The following CNTNAP3 variants were observed in gnomAD, a reference collection of about 807,000 sequenced individuals.
The protein encoded by CNTNAP3 is contactin-associated protein-like 3.
In CNTNAP3, 36 loss-of-function variants were observed where a neutral mutation model predicts 92.1. The observed-to-expected ratio is 0.39, with a 90% CI of 0.30 to 0.52. The LOEUF (loss-of-function observed/expected upper bound fraction) is 0.52, where lower values mean the gene tolerates loss of function less well. CNTNAP3 is among the 20% of genes least tolerant of loss of function. The pLI, the probability that CNTNAP3 is intolerant of heterozygous loss-of-function variation, is 0.76. For missense variants in CNTNAP3, 534 were observed against 1,069.6 expected (o/e 0.50, Z 6.98); for synonymous variants, 232 against 422.3 (o/e 0.55, Z 5.53).
At position 39,066,232 on chromosome 9, in the gene CNTNAP3, C is replaced by T. The variant is rs1256646613; in HGVS notation, c.*7658G>A. On this transcript the variant is annotated 3_prime_UTR_variant, in exon 24 of 24. Transcript: ENST00000297668. Reference sequence around the variant, plus strand: ...CCAACTTTTAATAGGCATTATACGACTTTACACACAGTCTAAGAACCTTAC... The same window carrying T: ...CCAACTTTTAATAGGCATTATACGATTTTACACACAGTCTAAGAACCTTAC... 6.6e-6 allele frequency among the ~76,000 whole-genome samples: 1 copy of T among 152,228 alleles called. No individual in the cohort carries two copies. Among genetic ancestry groups the T allele is most frequent in the Non-Finnish European group, 1.5e-5 (1 of 68,042 alleles).
chr9:39,174,533 G>C, intron 7 of CNTNAP3: 1 of 651,340 alleles, frequency 1.5e-6, no homozygotes, highest in Non-Finnish European at 2.9e-6. Context: ...CAACCCATGA[G>C]CCAACTCCTC....
intron 19 of CNTNAP3, 107 bp downstream of exon 19, chr9:39,088,316 C>T (rs544867582): frequency 1.0e-5 from 10 of 956,010 alleles, no homozygotes; most frequent in Non-Finnish European, 1.6e-5. Context: ...GGAGGGCATA[C>T]AGTTTTCTCT....
At position 39,078,748 on chromosome 9, in the gene CNTNAP3, C is replaced by T. The variant is rs1313471914; in HGVS notation, c.3615G>A (p.Ala1205=). The change falls in exon 22 of 24, where the codon GCG becomes GCA. Residue 1205 remains alanine (A), a synonymous_variant. Transcript: ENST00000297668. ...GCGCCGGGGAGCCGGACGCCGCCCC[C>T]GCTGCGCAGCGGGCCATAGGGGCCA... ...GHVAPMARCA[A]GAASGSPARE... The T allele has an allele frequency of 4.9e-5, 73 of 1,486,782 alleles. No homozygotes were observed. The Middle Eastern group carries it at 1.5e-3, about 30-fold the overall frequency. The allele number at this position is 1,486,782 out of a possible 1,614,324, so 92.1% of individuals were successfully genotyped here.
chr9:39,143,831 A>C (rs1447289249), intron 11 of CNTNAP3, among the ~76,000 whole-genome samples: 8 of 152,298 alleles, frequency 5.3e-5, no homozygotes, highest in African/African-American at 1.4e-4. Flanking sequence ...AATACCTTAA[A>C]TGTAGCATTG....
chr9:39,091,774 ACTT>A (rs1315313792), intron 18 of CNTNAP3, among the ~76,000 whole-genome samples: 6 of 151,808 alleles, frequency 4.0e-5, no homozygotes, highest in African/African-American at 1.4e-4. Context: ...TTTGAAGAAT[ACTT>A]CTTATTTAAA....
chr9:39,082,105 A>G (rs1343092942), intron 21 of CNTNAP3, among the ~76,000 whole-genome samples: 2 of 148,456 alleles, frequency 1.3e-5, no homozygotes, highest in African/African-American at 4.9e-5. Flanking sequence ...AAAACAAAGA[A>G]ACTCAAATCA....
intron 17 of CNTNAP3, among the ~76,000 whole-genome samples, chr9:39,101,663 G>T (rs1053924588): frequency 6.7e-6 from 1 of 148,866 alleles, no homozygotes; most frequent in East Asian, 2.1e-4. Flanking sequence ...CTGGCCGCGG[G>T]GGAGGTGCGC....
intron 13 of CNTNAP3, among the ~76,000 whole-genome samples, chr9:39,119,528 G>C (rs550398221): frequency 7.8e-4 from 118 of 152,150 alleles, no homozygotes; most frequent in Non-Finnish European, 1.5e-4. Flanking sequence ...TTAAACTGTC[G>C]CAGATTAAAG....
Position 39,068,577 on chromosome 9 carries a change from G to A in CNTNAP3, c.*5313C>T, listed in dbSNP as rs1054829569. Among the ~76,000 whole-genome samples the A allele has an allele frequency of 1.3e-5, 2 of 152,300 alleles. No individual in the cohort carries two copies. Among genetic ancestry groups the A allele is most frequent in the African/African-American group, 4.8e-5 (2 of 41,484 alleles). ...TTGAGTGTTTCTTTCCCTTGCCTCA[G>A]GTAGTTTCATGCACTTTGTTACACA... On this transcript the variant is annotated 3_prime_UTR_variant, in exon 24 of 24. Coordinates refer to ENST00000297668, the MANE Select transcript of CNTNAP3 (RefSeq NM_033655.5).
At chr9:39,086,560 T>G (rs185949667) in intron 20 of CNTNAP3, 156 bp downstream of exon 20, 2 of 927,158 alleles carry the variant, frequency 2.2e-6, no homozygotes, top group East Asian at 5.6e-5. Flanking sequence ...ACCTCCTCTC[T>G]CCCAGATCCT....
intron 11 of CNTNAP3, among the ~76,000 whole-genome samples, chr9:39,143,217 G>A (rs10974172): frequency 0.15 from 21,952 of 148,776 alleles, 2,024 homozygotes; most frequent in East Asian, 0.2. Context: ...ATATGGCAGA[G>A]GCAGTTGAGA....
At chr9:39,131,967 T>C (rs1272294078) in intron 13 of CNTNAP3, among the ~76,000 whole-genome samples, 3 of 151,578 alleles carry the variant, frequency 2.0e-5, no homozygotes, top group East Asian at 1.9e-4. Context: ...AGATTTTGTA[T>C]TGAAAATTAA....
rs1424223056 is a variant in CNTNAP3 at position 39,068,659 on chromosome 9, G to A, written c.*5231C>T. ...TTTTCTCCAATGCAGCTCTTTCCTC[G>A]CCGGTACTCTATCCTGCAATCTCTA... On this transcript the variant is annotated 3_prime_UTR_variant, in exon 24 of 24. Transcript: ENST00000297668. Among the ~76,000 whole-genome samples the A allele has an allele frequency of 1.3e-5, 2 of 152,414 alleles. No homozygotes were observed. Among genetic ancestry groups the A allele is most frequent in the Admixed American group, 6.5e-5 (1 of 15,308 alleles).
At chr9:39,152,917 C>T (rs1230077671) in intron 9 of CNTNAP3, among the ~76,000 whole-genome samples, 1 of 109,824 alleles carries the variant, frequency 9.1e-6, no homozygotes, top group African/African-American at 4.3e-5. Context: ...CCACCTGCCT[C>T]GGCCTCCCAA....
chr9:39,094,715 T>A (rs1321168245), intron 18 of CNTNAP3, among the ~76,000 whole-genome samples: 2 of 151,722 alleles, frequency 1.3e-5, no homozygotes, highest in Non-Finnish European at 3.0e-5. Context: ...AGGTTTATCC[T>A]CATTCAGTGC....
chr9:39,159,422 C>A (rs114038012), intron 9 of CNTNAP3: 1 of 122,302 alleles, frequency 8.2e-6, no homozygotes, highest in Non-Finnish European at 1.7e-5. Flanking sequence ...TTTTTTTTTC[C>A]AGTGATTATC....
intron 14 of CNTNAP3, among the ~76,000 whole-genome samples, chr9:39,113,058 A>AT (rs1393082593): frequency 4.6e-5 from 7 of 151,546 alleles, no homozygotes; most frequent in Middle Eastern, 6.8e-3. Context: ...TTTTGGGCTA[A>AT]TTTTTTTTTG....
intron 15 of CNTNAP3, among the ~76,000 whole-genome samples, chr9:39,108,128 T>C (rs1826650212): frequency 1.3e-5 from 2 of 152,068 alleles, no homozygotes; most frequent in Non-Finnish European, 2.9e-5. Flanking sequence ...TTTGCATTGG[T>C]TCCCCCTATC....
chr9:39,148,802 G>C (rs1211618100), intron 10 of CNTNAP3, among the ~76,000 whole-genome samples: 1 of 152,308 alleles, frequency 6.6e-6, no homozygotes, highest in South Asian at 2.1e-4. Context: ...TGGGATTACA[G>C]GCGTGAGCCA....
Sources: gnomAD v4.1 joint callset for allele counts (sites outside exome capture counted in the v4.1 genomes callset) on GRCh38, gnomAD v4.1.1 for gene constraint, MANE v1.5 for transcripts, NCBI Gene and HGNC (gene_info 2026-07-23, HGNC 2026-07-21) for gene names.